SLC25A21: variants seen among roughly 807,000 people sequenced by gnomAD.
SLC25A21 encodes mitochondrial 2-oxodicarboxylate carrier.
A neutral mutation model predicts 43.8 loss-of-function variants in SLC25A21; 47 were observed. The ratio of observed to expected loss-of-function variants is 1.07; its 90% CI spans 0.85 to 1.37. The LOEUF (loss-of-function observed/expected upper bound fraction) is 1.37, where lower values mean the gene tolerates loss of function less well. Ranked by LOEUF, SLC25A21 falls within the 40% of genes most tolerant of loss-of-function variation. The pLI, the probability that SLC25A21 is intolerant of heterozygous loss-of-function variation, is 0.00. For missense variants in SLC25A21, 352 were observed against 350.2 expected (o/e 1.00, Z -0.04); for synonymous variants, 131 against 121.3 (o/e 1.08, Z -0.52).
intron 1 of SLC25A21, among the ~76,000 whole-genome samples, chr14:37,138,992 A>G (rs1324785072): frequency 6.6e-6 from 1 of 152,110 alleles, no homozygotes; most frequent in Non-Finnish European, 1.5e-5. Context: ...TCATTTGTAA[A>G]CAGCTGTTTC....
intron 1 of SLC25A21, among the ~76,000 whole-genome samples, chr14:36,886,125 A>G (rs555416456): frequency 1.3e-5 from 2 of 152,338 alleles, no homozygotes; most frequent in Admixed American, 6.5e-5. Context: ...CATCTGCTCT[A>G]GTAGTCAAGC....
chr14:37,143,625 ATTTG>A (rs764821970), intron 1 of SLC25A21, among the ~76,000 whole-genome samples: 1 of 138,576 alleles, frequency 7.2e-6, no homozygotes, highest in Non-Finnish European at 1.5e-5. Flanking sequence ...TGTGTCTGTA[ATTTG>A]TTTAAGAGGA....
At chr14:36,807,175 G>GGGTC (rs1386720101) in intron 3 of SLC25A21, 2 of 152,200 alleles carry the variant, frequency 1.3e-5, no homozygotes, top group African/African-American at 4.8e-5. Flanking sequence ...ATCTGCTCAG[G>GGGTC]GGTCTGAGAT....
chr14:37,069,289 C>A (rs1962125783), intron 1 of SLC25A21, among the ~76,000 whole-genome samples: 1 of 152,092 alleles, frequency 6.6e-6, no homozygotes, highest in African/African-American at 2.4e-5. Flanking sequence ...TTCAAGAGCA[C>A]CCATCTGCAC....
At chr14:36,721,375 TC>T (rs1478009441) in intron 6 of SLC25A21, among the ~76,000 whole-genome samples, 4 of 152,182 alleles carry the variant, frequency 2.6e-5, no homozygotes, top group African/African-American at 9.7e-5. Context: ...TGTGAGGCTG[TC>T]ACATAGTCAA....
intron 3 of SLC25A21, among the ~76,000 whole-genome samples, chr14:36,750,567 G>C (rs947025436): frequency 2.6e-5 from 4 of 152,122 alleles, no homozygotes; most frequent in African/African-American, 9.7e-5. Flanking sequence ...TAATTTGATG[G>C]AGCTTTTGAG....
Position 36,679,177 on chromosome 14 carries a change from TTC to T in SLC25A21, c.*1479_*1480del. On this transcript the variant is annotated 3_prime_UTR_variant, in exon 10 of 10. Transcript: ENST00000331299. ...TTGTGCAACAGAGACACATTCTTATTTCTTTTTTTTCACAATTTTGTTTTGTT... is the reference window on the plus strand; with the variant it reads ...TTGTGCAACAGAGACACATTCTTATTTTTTTTTTCACAATTTTGTTTTGTT... 11 of 985,264 alleles carry T rather than the reference TTC, an allele frequency of 1.1e-5. No individual in the cohort carries two copies. Among genetic ancestry groups the T allele is most frequent in the South Asian group, 4.7e-5 (1 of 21,284 alleles). 61.0% of individuals were successfully genotyped at this position (985,264 alleles called of 1,614,324 possible). A position where few individuals can be genotyped will look rare whatever the true frequency, so the allele number is the denominator to read the frequency against.
intron 3 of SLC25A21, among the ~76,000 whole-genome samples, chr14:36,741,344 G>C (rs961229311): frequency 1.3e-5 from 2 of 152,136 alleles, no homozygotes; most frequent in Non-Finnish European, 2.9e-5. Flanking sequence ...CTTCACAACT[G>C]ACTTTTAGAA....
rs568345820 is a variant in SLC25A21 at position 37,092,604 on chromosome 14, A to G, written c.70+79677T>C. Among the ~76,000 whole-genome samples the G allele has an allele frequency of 1.3e-4, 20 of 152,120 alleles. 1 individual carries two copies. The South Asian group carries it at 4.2e-3, about 32-fold the overall frequency. Reference sequence around the variant, plus strand: ...GTCTGGGCTAATGACACATAAGGAGATATTTGCTGAGCATTTCTGGAAAGA... The same window carrying G: ...GTCTGGGCTAATGACACATAAGGAGGTATTTGCTGAGCATTTCTGGAAAGA... On this transcript the variant is annotated intron_variant, in intron 1 of 9. Transcript: ENST00000331299.
chr14:36,972,430 C>G (rs1221710415), intron 1 of SLC25A21, among the ~76,000 whole-genome samples: 1 of 152,168 alleles, frequency 6.6e-6, no homozygotes, highest in Non-Finnish European at 1.5e-5. Flanking sequence ...AGGCCATGGT[C>G]ATCCCTTTCA....
chr14:36,873,929 C>T (rs950070710), intron 2 of SLC25A21, among the ~76,000 whole-genome samples: 3 of 152,100 alleles, frequency 2.0e-5, no homozygotes, highest in African/African-American at 7.2e-5. Context: ...TCCTAGCCAC[C>T]AAAACTGTAA....
At chr14:36,870,921 G>C (rs1890350840) in intron 2 of SLC25A21, 1 of 152,138 alleles carries the variant, frequency 6.6e-6, no homozygotes. Flanking sequence ...TCTCCTTCTG[G>C]TTGTTTAGGT....
intron 2 of SLC25A21, among the ~76,000 whole-genome samples, chr14:36,853,010 T>G (rs1889790734): frequency 6.6e-6 from 1 of 151,954 alleles, no homozygotes; most frequent in African/African-American, 2.4e-5. Context: ...CATTACATTC[T>G]TATTGTGAAA....
intron 1 of SLC25A21, among the ~76,000 whole-genome samples, chr14:36,910,503 C>T (rs1229121770): frequency 6.6e-6 from 1 of 151,978 alleles, no homozygotes; most frequent in East Asian, 1.9e-4. Context: ...GTAACATTAG[C>T]TTGGATGAGA....
intron 1 of SLC25A21, among the ~76,000 whole-genome samples, chr14:37,024,296 C>A (rs1227575867): frequency 3.9e-5 from 6 of 152,018 alleles, no homozygotes; most frequent in Admixed American, 3.9e-4. Context: ...ACACACAGGA[C>A]AAAAATTGCA....
chr14:37,017,927 C>T (rs17105957), intron 1 of SLC25A21, among the ~76,000 whole-genome samples: 10,935 of 151,860 alleles, frequency 0.072, 1,046 homozygotes, highest in East Asian at 0.25. Context: ...GTTAATGGTG[C>T]AATCCCTTTC....
intron 1 of SLC25A21, among the ~76,000 whole-genome samples, chr14:37,170,966 G>A (rs904109881): frequency 6.6e-6 from 1 of 150,620 alleles, no homozygotes; most frequent in African/African-American, 2.4e-5. Context: ...GATGCGCATC[G>A]GTAATTCCAG....
intron 7 of SLC25A21, among the ~76,000 whole-genome samples, chr14:36,709,096 C>T (rs772516139): frequency 1.4e-4 from 21 of 152,152 alleles, no homozygotes; most frequent in Non-Finnish European, 3.1e-4. Flanking sequence ...CAGCCTCCAC[C>T]TCCCAAGTTC....
chr14:37,170,790 T>G (rs1278456013), intron 1 of SLC25A21, among the ~76,000 whole-genome samples: 1 of 149,184 alleles, frequency 6.7e-6, no homozygotes, highest in African/African-American at 2.5e-5. Context: ...TTCCCCCACC[T>G]CCCCAAAAAA....
Sources: gnomAD v4.1 joint callset for allele counts (sites outside exome capture counted in the v4.1 genomes callset) on GRCh38, gnomAD v4.1.1 for gene constraint, MANE v1.5 for transcripts, NCBI Gene and HGNC (gene_info 2026-07-23, HGNC 2026-07-21) for gene names.